The following EXOC4 variants were observed in gnomAD, a reference collection of about 807,000 sequenced individuals.
EXOC4 encodes the protein SEC8-like 1.
Under a neutral mutation model 107.2 loss-of-function variants are expected in EXOC4, and 71 were observed. The observed-to-expected ratio is 0.66, with a 90% CI of 0.55 to 0.81. The LOEUF (loss-of-function observed/expected upper bound fraction) is 0.81, where lower values mean the gene tolerates loss of function less well. Ranked by LOEUF, EXOC4 falls within the 30% of genes least tolerant of loss-of-function variation. The pLI, the probability that EXOC4 is intolerant of heterozygous loss-of-function variation, is 0.00. For synonymous variants in EXOC4, 456 were observed against 441.2 expected (o/e 1.03, Z -0.42); for missense variants, 1,108 against 1,189.6 (o/e 0.93, Z 1.01).
chr7:133,624,674 C>T (rs1585039328), intron 9 of EXOC4, among the ~76,000 whole-genome samples: 1 of 151,994 alleles, frequency 6.6e-6, no homozygotes, highest in Non-Finnish European at 1.5e-5. Flanking sequence ...CTCACTGCAA[C>T]CTCTGCCTCC....
intron 14 of EXOC4, among the ~76,000 whole-genome samples, chr7:133,983,909 A>G (rs1794053345): frequency 6.6e-6 from 1 of 152,080 alleles, no homozygotes; most frequent in African/African-American, 2.4e-5. Context: ...TCTCTTTCAT[A>G]TCCGGCAGGA....
In EXOC4 at chr7:133,823,882, ATATATATATATT is replaced by A. The variant is rs1563015007; in HGVS notation, c.1734+6340_1734+6351del. Among the ~76,000 whole-genome samples, 11 of 20,900 alleles carry A rather than the reference ATATATATATATT, an allele frequency of 5.3e-4. No homozygotes were observed. The African/African-American group carries it at 6.3e-3, about 12-fold the overall frequency. The allele number at this position is 20,900 out of a possible 152,430, so 13.7% of individuals were successfully genotyped here. A position where few individuals can be genotyped will look rare whatever the true frequency, so the allele number is the denominator to read the frequency against. On this transcript the variant is annotated intron_variant, in intron 11 of 17. Transcript: ENST00000253861. ...ATATATATATATATATTATATATATATATATATATATTTTATATATATATATATAAATATATA... is the reference window on the plus strand; with the variant it reads ...ATATATATATATATATTATATATATATTATATATATATATATAAATATATA...
intron 14 of EXOC4, among the ~76,000 whole-genome samples, chr7:133,987,622 C>A (rs895554824): frequency 6.6e-6 from 1 of 152,126 alleles, no homozygotes; most frequent in Non-Finnish European, 1.5e-5. Context: ...AAAATTTGAT[C>A]TTCTAAAATG....
chr7:133,532,103 G>A (rs1800191710), intron 9 of EXOC4, among the ~76,000 whole-genome samples: 1 of 151,944 alleles, frequency 6.6e-6, no homozygotes, highest in African/African-American at 2.4e-5. Context: ...GTGTCGTAAC[G>A]ATGCTCAAAA....
chr7:133,503,828 G>A (rs1799619434), intron 9 of EXOC4, among the ~76,000 whole-genome samples: 1 of 152,088 alleles, frequency 6.6e-6, no homozygotes, highest in Non-Finnish European at 1.5e-5. Flanking sequence ...GGGTGGTTTG[G>A]GGGAGGGTAC....
chr7:133,762,422 C>G (rs1478097344), intron 10 of EXOC4, among the ~76,000 whole-genome samples: 2 of 151,902 alleles, frequency 1.3e-5, no homozygotes, highest in African/African-American at 4.8e-5. Flanking sequence ...AATAAGAAAC[C>G]TTTTTTTTAC....
At chr7:133,532,929 A>C (rs1465538262) in intron 9 of EXOC4, among the ~76,000 whole-genome samples, 3 of 151,996 alleles carry the variant, frequency 2.0e-5, no homozygotes, top group African/African-American at 4.8e-5. Flanking sequence ...CTTTGAATGT[A>C]GTTTTTTCTT....
intron 9 of EXOC4, among the ~76,000 whole-genome samples, chr7:133,608,478 C>G (rs536359962): frequency 1.9e-4 from 29 of 148,794 alleles, no homozygotes; most frequent in African/African-American, 6.9e-4. Flanking sequence ...GTGCATTGTA[C>G]TAAAGACCCT....
intron 10 of EXOC4, among the ~76,000 whole-genome samples, chr7:133,802,682 C>A (rs1796973414): frequency 6.6e-6 from 1 of 151,822 alleles, no homozygotes; most frequent in African/African-American, 2.4e-5. Flanking sequence ...AACATGGCTA[C>A]TAAAAATACA....
At chr7:133,699,927 T>C (rs1378116701) in intron 10 of EXOC4, among the ~76,000 whole-genome samples, 1 of 152,230 alleles carries the variant, frequency 6.6e-6, no homozygotes, top group Non-Finnish European at 1.5e-5. Context: ...ATGATTCTTA[T>C]TTTCAGAAAA....
chr7:133,840,469 G>A (rs1798002631), intron 11 of EXOC4, among the ~76,000 whole-genome samples: 1 of 148,298 alleles, frequency 6.7e-6, no homozygotes, highest in Non-Finnish European at 1.5e-5. Flanking sequence ...ATAATGGAAA[G>A]TTTTATTTAT....
chr7:134,052,260 T>C (rs1012891676), intron 17 of EXOC4, among the ~76,000 whole-genome samples: 1 of 152,118 alleles, frequency 6.6e-6, no homozygotes, highest in Non-Finnish European at 1.5e-5. Context: ...TGTTTCTTGA[T>C]TTGTTTTTCC....
chr7:133,568,532 A>G (rs1800955463), intron 9 of EXOC4, among the ~76,000 whole-genome samples: 1 of 152,168 alleles, frequency 6.6e-6, no homozygotes, highest in Non-Finnish European at 1.5e-5. Flanking sequence ...ATCTAGGCAT[A>G]GGTTATGAGG....
intron 10 of EXOC4, among the ~76,000 whole-genome samples, chr7:133,764,723 A>G (rs563261280): frequency 6.6e-5 from 10 of 152,202 alleles, no homozygotes; most frequent in Admixed American, 2.0e-4. Flanking sequence ...TAACATTTCT[A>G]GATAAGTTGT....
At chr7:133,525,022 GAA>G (rs1376360637) in intron 9 of EXOC4, among the ~76,000 whole-genome samples, 2 of 152,120 alleles carry the variant, frequency 1.3e-5, no homozygotes, top group African/African-American at 4.8e-5. Flanking sequence ...CAGTGCATTT[GAA>G]ATCCTTTCTT....
intron 10 of EXOC4, among the ~76,000 whole-genome samples, chr7:133,792,463 G>A (rs1796722573): frequency 7.1e-6 from 1 of 140,622 alleles, no homozygotes; most frequent in Non-Finnish European, 1.5e-5. Flanking sequence ...TGAAGTGGGA[G>A]GATTGCTTGA....
At chr7:133,275,663 C>T (rs1317421222) in intron 2 of EXOC4, among the ~76,000 whole-genome samples, 1 of 152,156 alleles carries the variant, frequency 6.6e-6, no homozygotes, top group Non-Finnish European at 1.5e-5. Context: ...TATCTGAATC[C>T]AAACCACAGA....
At chr7:133,837,777 G>T (rs1285969401) in intron 11 of EXOC4, among the ~76,000 whole-genome samples, 1 of 152,180 alleles carries the variant, frequency 6.6e-6, no homozygotes, top group Middle Eastern at 3.2e-3. Context: ...ACAAAAATGG[G>T]TTTTGTTCTT....
intron 17 of EXOC4, among the ~76,000 whole-genome samples, chr7:134,009,455 CCTT>C (rs2116353436): frequency 6.6e-6 from 1 of 152,262 alleles, no homozygotes; most frequent in African/African-American, 2.4e-5. Context: ...GCTTTTCTGT[CCTT>C]CTCCTTCCCT....
Sources: gnomAD v4.1 joint callset for allele counts (sites outside exome capture counted in the v4.1 genomes callset) on GRCh38, gnomAD v4.1.1 for gene constraint, MANE v1.5 for transcripts, NCBI Gene and HGNC (gene_info 2026-07-23, HGNC 2026-07-21) for gene names.